The following MAST4 variants were observed in gnomAD, a reference collection of about 807,000 sequenced individuals.
MAST4 encodes microtubule-associated serine/threonine-protein kinase 4.
MAST4 carries 89 observed loss-of-function variants against 162.7 expected under a neutral mutation model. That is an observed-to-expected ratio of 0.55 (90% CI 0.46 to 0.65). MAST4 has a LOEUF of 0.65. Among genes scored for constraint, MAST4 ranks in the 30% least tolerant of loss-of-function variants. The probability of loss-of-function intolerance (pLI) is 0.00; values close to 1 mark genes in which losing one functional copy is unlikely to be tolerated. For missense variants in MAST4, 3,153 were observed against 3,374.0 expected, an observed-to-expected ratio of 0.93 and a Z score of 1.62; for synonymous variants, 1,479 against 1,361.1, an observed-to-expected ratio of 1.09 and a Z score of -1.91.
chr5:66,614,240 G>A lies in MAST4; in HGVS notation c.363+17222G>A, dbSNP rs915778705. Among the ~76,000 whole-genome samples the A allele has an allele frequency of 4.6e-5, 7 of 152,300 alleles. No homozygotes were observed. In the South Asian group the frequency reaches 8.3e-4, roughly 18 times the overall value. On this transcript the variant is annotated intron_variant, in intron 1 of 28. Transcript: ENST00000403625. Reference sequence around the variant, plus strand: ...ATGAAAGCAGTCCGTGAGGCCCCGCGTGGGTGTCTGGCCAGTTCCACTACT... The same window carrying A: ...ATGAAAGCAGTCCGTGAGGCCCCGCATGGGTGTCTGGCCAGTTCCACTACT...
Position 67,054,467 on chromosome 5 carries a change from A to C in MAST4, c.738A>C (p.Pro246=). 6.2e-7 allele frequency: 1 copy of C among 1,610,834 alleles called. No individual in the cohort carries two copies. The highest frequency in any genetic ancestry group is 8.5e-7 in the Non-Finnish European group (1 of 1,178,600). ...GNGQSPALPR[P]HSPLSAHAGN... The stretch of plus-strand genomic sequence containing the variant: ...GGCAGTCACCAGCATTGCCTCGACC[A>C]CACTCACCTCTCTCTGCTCATGCAG... Residue 246 remains proline (P), a synonymous_variant, in exon 5 of 29, where the codon CCA becomes CCC. Coordinates refer to ENST00000403625, the MANE Select transcript of MAST4 (RefSeq NM_001164664.2).
chr5:67,030,813 C>G (rs747358766), intron 4 of MAST4, among the ~76,000 whole-genome samples: 4 of 152,146 alleles, frequency 2.6e-5, no homozygotes, highest in African/African-American at 9.7e-5. Context: ...TTGGGTATCT[C>G]AAACGCTATG....
At chr5:66,902,895 A>G (rs17282748) in intron 4 of MAST4, among the ~76,000 whole-genome samples, 18,372 of 152,068 alleles carry the variant, frequency 0.12, 1,325 homozygotes, top group Admixed American at 0.15. Context: ...TTGGAACTAA[A>G]GTTATCACAT....
Position 67,059,362 on chromosome 5 carries a change from G to A in MAST4, c.763+4870G>A, listed in dbSNP as rs11742059. 3.2e-3 allele frequency among the ~76,000 whole-genome samples: 485 copies of A among 152,236 alleles called. 6 individuals are homozygous for A. Among genetic ancestry groups the A allele is most frequent in the Non-Finnish European group, 4.8e-3 (325 of 68,026 alleles). On this transcript the variant is annotated intron_variant, in intron 5 of 28. Transcript: ENST00000403625. ...TATACTTGAAGGTCAACTGACTTGG[G>A]ACAATTACAGCTAAAAAAATCTCTT...
At chr5:66,696,157 C>A (rs1449463959) in intron 1 of MAST4, among the ~76,000 whole-genome samples, 3 of 151,934 alleles carry the variant, frequency 2.0e-5, no homozygotes, top group Non-Finnish European at 4.4e-5. Flanking sequence ...ACAATGAGAA[C>A]ACATGGGGAT....
Position 67,163,558 on chromosome 5 carries a change from A to C in MAST4, c.4379A>C (p.His1460Pro). The C allele has an allele frequency of 6.3e-7, 1 of 1,596,352 alleles. No individual in the cohort carries two copies. ...LSPSYGSDKKHLCSRKHSLEV... is the reference protein window; with the variant it reads ...LSPSYGSDKKPLCSRKHSLEV... ...CCCTCTTACGGCAGTGACAAGAAGC[A>C]CCTGTGCTCCCGCAAGCACAGCCTG... The change falls in exon 29 of 29, where the codon CAC becomes CCC. Residue 1460 changes from histidine (H) to proline (P), a missense_variant. His to Pro is a moderately conservative substitution (Grantham distance 77). This residue lies in a region of MAST4 where 619 missense variants were observed against 744.2 expected (regional missense o/e 0.83). Coordinates refer to ENST00000403625, the MANE Select transcript of MAST4 (RefSeq NM_001164664.2). The surrounding 1 kb of genome is among the most constrained non-coding windows in gnomAD (Gnocchi z 7.0).
intron 1 of MAST4, among the ~76,000 whole-genome samples, chr5:66,659,752 CAA>C (rs1334051736): frequency 1.3e-5 from 2 of 152,184 alleles, no homozygotes; most frequent in African/African-American, 2.4e-5. Context: ...TACAGCCAAA[CAA>C]GAGATCCATA....
Position 67,136,627 on chromosome 5 carries a change from A to T in MAST4, c.2457A>T (p.Leu819Phe). ...CTGATGCCCAGGATCTGATTACCTT[A>T]CTCCTCAGGCAGAATCCCCTGGAGA... is the stretch of plus-strand genomic sequence containing the variant. ...PPPDAQDLIT[L>F]LLRQNPLERL... Residue 819 changes from leucine to phenylalanine, a missense_variant, in exon 19 of 29, where the codon TTA becomes TTT. Transcript: ENST00000403625. 1 of 1,604,382 alleles carries T rather than the reference A, an allele frequency of 6.2e-7. No homozygotes were observed. The highest frequency in any genetic ancestry group is 8.5e-7 in the Non-Finnish European group (1 of 1,175,350).
At chr5:66,916,373 T>C (rs1488629057) in intron 4 of MAST4, among the ~76,000 whole-genome samples, 1 of 152,148 alleles carries the variant, frequency 6.6e-6, no homozygotes. Flanking sequence ...ATGAACACAA[T>C]GATGAGACTG....
intron 4 of MAST4, among the ~76,000 whole-genome samples, chr5:66,978,536 A>C (rs1748409102): frequency 6.6e-6 from 1 of 152,238 alleles, no homozygotes; most frequent in African/African-American, 2.4e-5. Flanking sequence ...GTACAGAGCT[A>C]TGAATGCTAC....
At chr5:66,978,414 C>A (rs1748396427) in intron 4 of MAST4, among the ~76,000 whole-genome samples, 1 of 152,184 alleles carries the variant, frequency 6.6e-6, no homozygotes, top group African/African-American at 2.4e-5. Flanking sequence ...GCAAATATAA[C>A]CCACTTTTGT....
rs948653460 is a variant in MAST4 at position 66,888,191 on chromosome 5, C to T, written c.643-11760C>T. On this transcript the variant is annotated intron_variant, in intron 3 of 28. Transcript: ENST00000403625. ...TCTGTGACCTCTTTACAATAAATTT[C>T]GGTACCATTAGAGGCTTAAGTTTAC... Among the ~76,000 whole-genome samples the T allele has an allele frequency of 7.9e-5, 12 of 152,248 alleles. No individual in the cohort carries two copies. In the South Asian group the frequency reaches 1.0e-3, roughly 13 times the overall value.
chr5:66,766,243 G>T (rs1754089202), intron 2 of MAST4, among the ~76,000 whole-genome samples: 1 of 152,118 alleles, frequency 6.6e-6, no homozygotes, highest in Non-Finnish European at 1.5e-5. Context: ...CAGAGAATGA[G>T]TGCTGCTTTT....
intron 2 of MAST4, among the ~76,000 whole-genome samples, chr5:66,779,400 T>C: frequency 6.6e-6 from 1 of 151,568 alleles, no homozygotes; most frequent in African/African-American, 2.4e-5. Context: ...GCACTTTTTT[T>C]TTTTTTTTTT....
At chr5:66,875,390 C>T (rs968079332) in intron 3 of MAST4, among the ~76,000 whole-genome samples, 1 of 152,146 alleles carries the variant, frequency 6.6e-6, no homozygotes, top group Admixed American at 6.5e-5. Flanking sequence ...CATAAATTAT[C>T]TTTGGTCCTA....
At chr5:67,056,230 C>T (rs908111288) in intron 5 of MAST4, among the ~76,000 whole-genome samples, 12 of 151,868 alleles carry the variant, frequency 7.9e-5, no homozygotes, top group Non-Finnish European at 1.5e-4. Flanking sequence ...TCCAAGGCTA[C>T]GTAATGAGGA....
rs1000401633 is a variant in MAST4, at chr5:67,017,228, A to C, written c.675-37176A>C. Among the ~76,000 whole-genome samples, 4 of 152,246 alleles carry C rather than the reference A, an allele frequency of 2.6e-5. No homozygotes were observed. The East Asian group carries it at 7.7e-4, about 29-fold the overall frequency. Reference sequence around the variant, plus strand: ...AGAATTCTCTAAACCACACACACACAGAAAAACTTTACTGGCCATCTCTTA... The same window carrying C: ...AGAATTCTCTAAACCACACACACACCGAAAAACTTTACTGGCCATCTCTTA... On this transcript the variant is annotated intron_variant, in intron 4 of 28. Coordinates refer to ENST00000403625, the MANE Select transcript of MAST4 (RefSeq NM_001164664.2).
rs560262088 is a variant in MAST4 at position 67,067,509 on chromosome 5, C to T, written c.763+13017C>T. ...TAGAAATTTGTAGCTAGAAATGATA[C>T]GACATCATAGTGTGTAAATACAAAG... On this transcript the variant is annotated intron_variant, in intron 5 of 28. Coordinates refer to ENST00000403625, the MANE Select transcript of MAST4 (RefSeq NM_001164664.2). Among the ~76,000 whole-genome samples the T allele has an allele frequency of 1.1e-4, 16 of 152,308 alleles. No individual in the cohort carries two copies. The East Asian group carries it at 1.3e-3, about 13-fold the overall frequency.
chr5:66,617,413 T>A (rs4073361), intron 1 of MAST4, among the ~76,000 whole-genome samples: 90,244 of 152,006 alleles, frequency 0.59, 26,963 homozygotes, highest in East Asian at 0.71. Flanking sequence ...TTACTCATGA[T>A]TCACATGATT....
Sources: allele counts gnomAD v4.1 joint callset (sites outside exome capture counted in the v4.1 genomes callset), GRCh38; gene constraint gnomAD v4.1.1; regional missense constraint gnomAD v4.1.1; non-coding constraint Gnocchi (gnomAD v3.1); transcripts MANE v1.5; gene names NCBI Gene and HGNC (gene_info 2026-07-23, HGNC 2026-07-21).